Variants in MAPK9 observed in about 807,000 individuals in gnomAD.
MAPK9 encodes Jun kinase.
A neutral mutation model predicts 57.1 loss-of-function variants in MAPK9; 30 were observed. The observed-to-expected ratio is 0.53, with a 90% CI of 0.39 to 0.71. The LOEUF is 0.71. MAPK9 is among the 30% of genes least tolerant of loss of function. MAPK9 has a pLI of 0.00. For missense variants in MAPK9, 362 were observed against 521.0 expected (o/e 0.69, Z 2.97); for synonymous variants, 155 against 177.0 (o/e 0.88, Z 0.99).
intron 2 of MAPK9, among the ~76,000 whole-genome samples, chr5:180,277,202 C>T (rs1761898698): frequency 6.6e-6 from 1 of 152,156 alleles, no homozygotes. Flanking sequence ...AACAAGTAAC[C>T]ACCAATTTAC....
intron 2 of MAPK9, among the ~76,000 whole-genome samples, chr5:180,275,752 C>T (rs1761753616): frequency 6.6e-6 from 1 of 152,194 alleles, no homozygotes; most frequent in South Asian, 2.1e-4. Flanking sequence ...GTTTTAGCCA[C>T]TCATTTCATC....
chr5:180,274,696 C>T (rs750811343), intron 2 of MAPK9, among the ~76,000 whole-genome samples: 1 of 152,204 alleles, frequency 6.6e-6, no homozygotes, highest in South Asian at 2.1e-4. Flanking sequence ...TTGTGAGATG[C>T]TGGGCAAAGA....
At position 180,280,472 on chromosome 5, in the gene MAPK9, T is replaced by C; in HGVS notation, c.90A>G (p.Lys30=). The part of the protein sequence containing the change: ...FTVLKRYQQL[K]PIGSGAQGIV... ...TCCCTTGGGCCCCAGAGCCAATTGG[T>C]TTCAGCTGCTGGTAACGTTTTAGGA... The change falls in exon 2 of 12, where the codon AAA becomes AAG. Residue 30 remains lysine, a synonymous_variant. Coordinates refer to ENST00000452135, the MANE Select transcript of MAPK9 (RefSeq NM_002752.5). The C allele has an allele frequency of 6.2e-7, 1 of 1,614,152 alleles. No individual in the cohort carries two copies. Among genetic ancestry groups the C allele is most frequent in the Non-Finnish European group, 8.5e-7 (1 of 1,180,026 alleles).
At chr5:180,251,733 G>GTGACGCCTGGATCGGGGCA (rs33927983) in intron 5 of MAPK9, among the ~76,000 whole-genome samples, 2 of 61,286 alleles carry the variant, frequency 3.3e-5, no homozygotes, top group Non-Finnish European at 8.1e-5. Flanking sequence ...ACAGATCCAA[G>GTGACGCCTGGATCGGGGCA]TGACGCCTGG....
intron 2 of MAPK9, among the ~76,000 whole-genome samples, chr5:180,278,182 C>T (rs35881695): frequency 6.6e-6 from 1 of 152,212 alleles, no homozygotes; most frequent in African/African-American, 2.4e-5. Flanking sequence ...GTGGTACAGG[C>T]AATAAGGTCC....
Position 180,258,862 on chromosome 5 carries a change from T to TAAA in MAPK9, c.450+2819_450+2821dup, listed in dbSNP as rs531705510. ...CAACATGGTGAAATCCTGTCTCTAC[T>TAAA]AAAAAAAAAAAAAAAAAAAAAAATA... On this transcript the variant is annotated intron_variant, in intron 5 of 11. Coordinates refer to ENST00000452135, the MANE Select transcript of MAPK9 (RefSeq NM_002752.5). 9.5e-3 allele frequency among the ~76,000 whole-genome samples: 910 copies of TAAA among 95,968 alleles called. 14 individuals carry two copies. The highest frequency in any genetic ancestry group is 0.024 in the Admixed American group (202 of 8,502). 63.0% of individuals were successfully genotyped at this position (95,968 alleles called of 152,430 possible).
At chr5:180,253,017 T>C (rs1013403452) in intron 5 of MAPK9, among the ~76,000 whole-genome samples, 3 of 152,052 alleles carry the variant, frequency 2.0e-5, no homozygotes, top group Admixed American at 6.5e-5. Context: ...GGAAATGCAC[T>C]CCTTGGTCTC....
chr5:180,241,844 C>T (rs1757693351), intron 8 of MAPK9, among the ~76,000 whole-genome samples: 2 of 152,142 alleles, frequency 1.3e-5, no homozygotes, highest in Admixed American at 6.5e-5. Flanking sequence ...GCATGAGGCA[C>T]GGGGGAGTAT....
intron 1 of MAPK9, among the ~76,000 whole-genome samples, chr5:180,283,314 C>CT (rs1762472340): frequency 6.6e-6 from 1 of 152,176 alleles, no homozygotes; most frequent in African/African-American, 2.4e-5. Flanking sequence ...TTACAGAAAG[C>CT]TGCTTGCCCT....
intron 5 of MAPK9, among the ~76,000 whole-genome samples, chr5:180,258,561 T>C (rs925178687): frequency 1.3e-5 from 2 of 152,138 alleles, no homozygotes; most frequent in African/African-American, 4.8e-5. Context: ...AGAAATCCTA[T>C]AACTGTAAAA....
intron 5 of MAPK9, among the ~76,000 whole-genome samples, chr5:180,253,881 G>T (rs1758971396): frequency 7.6e-6 from 1 of 131,552 alleles, no homozygotes; most frequent in Admixed American, 8.0e-5. Context: ...ACCTGTGGCT[G>T]CCTGTGGTCC....
At chr5:180,273,527 GATAA>G (rs1428765052) in intron 2 of MAPK9, among the ~76,000 whole-genome samples, 2 of 152,066 alleles carry the variant, frequency 1.3e-5, no homozygotes, top group Non-Finnish European at 2.9e-5. Flanking sequence ...ACATCCAGCA[GATAA>G]ATGTTTTTTT....
At chr5:180,280,034 C>T (rs916873622) in intron 2 of MAPK9, 9 of 457,374 alleles carry the variant, frequency 2.0e-5, no homozygotes, top group East Asian at 6.9e-5. Flanking sequence ...GCAATGATGG[C>T]GCCTGGAAAT....
chr5:180,292,070 G>C lies in MAPK9; in HGVS notation c.-270C>G, dbSNP rs1196602994. ...TCCCTTCTCCGCCGCTGCCGCCGCC[G>C]CGGCGCCCGGTCTGACAGACCCTCG... On this transcript the variant is annotated 5_prime_UTR_variant, in exon 1 of 12. Coordinates refer to ENST00000452135, the MANE Select transcript of MAPK9 (RefSeq NM_002752.5). 1.3e-5 allele frequency: 2 copies of C among 152,504 alleles called. No individual in the cohort carries two copies. The highest frequency in any genetic ancestry group is 1.3e-4 in the Admixed American group (2 of 15,162). 9.4% of individuals were successfully genotyped at this position (152,504 alleles called of 1,614,324 possible). A position where few individuals can be genotyped will look rare whatever the true frequency, so the allele number is the denominator to read the frequency against.
At chr5:180,272,453 C>T (rs997263286) in intron 2 of MAPK9, among the ~76,000 whole-genome samples, 4 of 152,152 alleles carry the variant, frequency 2.6e-5, no homozygotes, top group Non-Finnish European at 4.4e-5. Flanking sequence ...AATGATTTAT[C>T]AGTCATGTTC....
At chr5:180,281,222 CCA>C (rs750111123) in intron 1 of MAPK9, among the ~76,000 whole-genome samples, 13 of 152,122 alleles carry the variant, frequency 8.5e-5, no homozygotes, top group Non-Finnish European at 1.8e-4. Context: ...TGGCACAGCC[CCA>C]GAGTCCCACA....
At chr5:180,255,104 C>T (rs981146402) in intron 5 of MAPK9, among the ~76,000 whole-genome samples, 6 of 152,148 alleles carry the variant, frequency 3.9e-5, no homozygotes, top group South Asian at 2.1e-4. Flanking sequence ...GCACTGCCTC[C>T]GCCATTCTGA....
At chr5:180,262,426 TTTA>T (rs1760075998) in intron 4 of MAPK9, among the ~76,000 whole-genome samples, 1 of 152,138 alleles carries the variant, frequency 6.6e-6, no homozygotes, top group African/African-American at 2.4e-5. Context: ...CTCCCTTCTT[TTTA>T]TTTTTTAAAT....
At chr5:180,241,245 A>G (rs1314946209) in intron 8 of MAPK9, 90 bp from the exon 9 acceptor site, 1 of 1,226,576 alleles carries the variant, frequency 8.2e-7, no homozygotes, top group African/African-American at 1.5e-5. Context: ...ACACAGATAG[A>G]ACAAAGATAT....
Sources: allele counts gnomAD v4.1 joint callset (sites outside exome capture counted in the v4.1 genomes callset), GRCh38; gene constraint gnomAD v4.1.1; transcripts MANE v1.5; gene names NCBI Gene and HGNC (gene_info 2026-07-23, HGNC 2026-07-21).